Variants in AHDC1 observed in about 807,000 individuals in gnomAD.
AHDC1 encodes transcription factor Gibbin.
AHDC1 carries 7 observed loss-of-function variants against 87.9 expected under a neutral mutation model. That is an observed-to-expected ratio of 0.08 (90% CI 0.05 to 0.15). AHDC1 has a LOEUF of 0.15. Among genes scored for constraint, AHDC1 ranks in the 10% least tolerant of loss-of-function variants. The probability of loss-of-function intolerance (pLI) is 1.00; values close to 1 mark genes in which losing one functional copy is unlikely to be tolerated. For synonymous variants in AHDC1, 1,051 were observed against 1,006.8 expected, an observed-to-expected ratio of 1.04 and a Z score of -0.83; for missense variants, 1,841 against 2,253.2, an observed-to-expected ratio of 0.82 and a Z score of 3.70.
chr1:27,548,849 G>A lies in AHDC1; in HGVS notation c.3267C>T (p.Ser1089=), dbSNP rs1224763779. 2.5e-6 allele frequency: 4 copies of A among 1,612,862 alleles called. No homozygotes were observed. In the African/African-American group the frequency reaches 4.0e-5, roughly 16 times the overall value. ...TSAASAASSS[S]SSFQPSPENC... is the part of the protein sequence containing the mutation. ...TCTCGGGCGAGGGCTGGAAGGAGGA[G>A]GAGGAGGAGGAGGCGGCAGAGGCTG... Residue 1089 remains serine (S), a synonymous_variant, in exon 8 of 9, where the codon TCC becomes TCT. Transcript: ENST00000673934.
At position 27,548,359 on chromosome 1, in the gene AHDC1, C is replaced by A. The variant is rs914335874; in HGVS notation, c.3757G>T (p.Ala1253Ser). The A allele has an allele frequency of 6.2e-7, 1 of 1,606,372 alleles. No individual in the cohort carries two copies. The highest frequency in any genetic ancestry group is 2.2e-5 in the East Asian group (1 of 44,676). The change falls in exon 8 of 9, where the codon GCC (alanine) becomes TCC (serine). Residue 1253 changes from alanine to serine, a missense_variant. Ala to Ser is a moderately conservative substitution (Grantham distance 99, BLOSUM62 1). This residue lies in a region of AHDC1 where 505 missense variants were observed against 626.2 expected (regional missense o/e 0.81). Transcript: ENST00000673934. ...EASHLGFPTS[A>S]SAAASGYPSK... is the part of the protein sequence containing the mutation. ...GGGTAGCCTGAGGCAGCGGCAGAGG[C>A]GGATGTCGGGAAGCCCAGATGTGAG...
intron 3 of AHDC1, among the ~76,000 whole-genome samples, chr1:27,597,093 C>T (rs900987549): frequency 6.6e-6 from 1 of 152,182 alleles, no homozygotes; most frequent in Non-Finnish European, 1.5e-5. Context: ...GGGCTCTCAC[C>T]GACTGAGAGG....
intron 3 of AHDC1, among the ~76,000 whole-genome samples, chr1:27,572,179 CAG>C (rs895109702): frequency 1.8e-4 from 28 of 152,106 alleles, no homozygotes; most frequent in South Asian, 8.3e-4. Context: ...GAACAGGAAA[CAG>C]AGTCTAATCC....
At position 27,551,208 on chromosome 1, in the gene AHDC1, A is replaced by C. The variant is rs1381868998; in HGVS notation, c.908T>G (p.Leu303Arg). 2 of 1,610,092 alleles carry C rather than the reference A, an allele frequency of 1.2e-6. No homozygotes were observed. Among genetic ancestry groups the C allele is most frequent in the African/African-American group, 2.7e-5 (2 of 74,902 alleles). ...GCCCGGCAGCCCCAGAGGATCAGCA[A>C]GAGGTTGCAGGGGTGGCAGCTCCAG... ...EALELPPLQP[L>R]ADPLGLPGLA... The change falls in exon 8 of 9, where the codon CTT becomes CGT. Residue 303 changes from leucine to arginine, a missense_variant. This residue lies in a region of AHDC1 where 370 missense variants were observed against 391.5 expected (regional missense o/e 0.95). Coordinates refer to ENST00000673934, the MANE Select transcript of AHDC1 (RefSeq NM_001371928.1).
At chr1:27,581,902 C>T (rs2088919450) in intron 3 of AHDC1, among the ~76,000 whole-genome samples, 1 of 152,190 alleles carries the variant, frequency 6.6e-6, no homozygotes, top group African/African-American at 2.4e-5. Context: ...CTTCCCCTCC[C>T]CTGAGTCTCA....
intron 8 of AHDC1, among the ~76,000 whole-genome samples, chr1:27,545,585 C>T (rs887355555): frequency 6.6e-6 from 1 of 152,164 alleles, no homozygotes; most frequent in South Asian, 2.1e-4. Context: ...GACATCTCCC[C>T]GCCAGTGAGA....
At chr1:27,556,816 G>A (rs1365628189) in intron 5 of AHDC1, among the ~76,000 whole-genome samples, 3 of 152,068 alleles carry the variant, frequency 2.0e-5, no homozygotes, top group Non-Finnish European at 4.4e-5. Context: ...CCAACCATCA[G>A]TTCTAATTTT....
At chr1:27,566,892 G>C (rs976730755) in intron 3 of AHDC1, among the ~76,000 whole-genome samples, 1 of 151,952 alleles carries the variant, frequency 6.6e-6, no homozygotes, top group Non-Finnish European at 1.5e-5. Context: ...GGCACAGTCT[G>C]CTGGCACTTG....
chr1:27,550,471 G>A lies in AHDC1; in HGVS notation c.1645C>T (p.Arg549Cys). ...CCCAGCAGCAGGTTCTTAGGAGGGCGGCCGCGCTTACGTTTGAGAATAATG... is the reference window on the plus strand; with the variant it reads ...CCCAGCAGCAGGTTCTTAGGAGGGCAGCCGCGCTTACGTTTGAGAATAATG... Reference protein sequence around the residue: ...MPIILKRKRGRPPKNLLLGPG... With the variant: ...MPIILKRKRGCPPKNLLLGPG... Residue 549 changes from arginine (R) to cysteine (C), a missense_variant, in exon 8 of 9, where the codon CGC becomes TGC. Physicochemically the swap from Arg to Cys is radical, Grantham distance 180. Around this residue, in one of 13 missense-constraint regions of AHDC1, gnomAD observed 12 missense variants for 51.7 expected, o/e 0.23. Coordinates refer to ENST00000673934, the MANE Select transcript of AHDC1 (RefSeq NM_001371928.1). The A allele has an allele frequency of 6.2e-7, 1 of 1,605,966 alleles. No homozygotes were observed. Among genetic ancestry groups the A allele is most frequent in the South Asian group, 1.1e-5 (1 of 90,670 alleles).
rs2019261873 is a variant in AHDC1, at chr1:27,547,838, C to T, written c.4278G>A (p.Lys1426=). The stretch of plus-strand genomic sequence containing the variant: ...CCAGGCTGGCCCCCTGGAGTCCATG[C>T]TTGAGGGGCTCGCAGGCAGCCAGCT... The part of the protein sequence containing the change: ...PTKLAACEPL[K]HGLQGASLGH... The change falls in exon 8 of 9, where the codon AAG becomes AAA. Residue 1426 remains lysine, a synonymous_variant. Coordinates refer to ENST00000673934, the MANE Select transcript of AHDC1 (RefSeq NM_001371928.1). The surrounding 1 kb of genome is among the most constrained non-coding windows in gnomAD (Gnocchi z 4.9). The T allele has an allele frequency of 6.4e-7, 1 of 1,550,474 alleles. No homozygotes were observed. Among genetic ancestry groups the T allele is most frequent in the Admixed American group, 1.9e-5 (1 of 53,984 alleles).
intron 7 of AHDC1, chr1:27,552,654 C>A (rs1397627690): frequency 6.6e-6 from 1 of 152,578 alleles, no homozygotes; most frequent in Non-Finnish European, 1.5e-5. Context: ...GCCTCAGCCT[C>A]CCAAAATACT....
intron 8 of AHDC1, among the ~76,000 whole-genome samples, chr1:27,542,849 C>A (rs1007544185): frequency 1.6e-4 from 25 of 152,160 alleles, no homozygotes; most frequent in Non-Finnish European, 3.1e-4. Flanking sequence ...CAAGGCCTGG[C>A]CTAAACATGG....
chr1:27,572,839 C>T (rs1213810069), intron 3 of AHDC1, among the ~76,000 whole-genome samples: 1 of 152,258 alleles, frequency 6.6e-6, no homozygotes, highest in South Asian at 2.1e-4. Context: ...CCCCTGCGAT[C>T]GCTCTTCTGG....
rs2089345887 is a variant in AHDC1, at chr1:27,595,496, G to A, written c.-629+7901C>T. On this transcript the variant is annotated intron_variant, in intron 3 of 8. Coordinates refer to ENST00000673934, the MANE Select transcript of AHDC1 (RefSeq NM_001371928.1). This position sits in a 1 kb window ranked among gnomAD's most constrained non-coding sequence, Gnocchi z 4.0. ...ATTGTGTGTGTGTTGGGGTGTTTAG[G>A]GATGTATTGGGGGGTCATAAAAATG... is the stretch of plus-strand genomic sequence containing the variant. Among the ~76,000 whole-genome samples, 2 of 150,870 alleles carry A rather than the reference G, an allele frequency of 1.3e-5. No homozygotes were observed. Among genetic ancestry groups the A allele is most frequent in the African/African-American group, 4.9e-5 (2 of 40,992 alleles).
intron 3 of AHDC1, among the ~76,000 whole-genome samples, chr1:27,570,121 C>CA (rs2020503151): frequency 6.6e-6 from 1 of 151,620 alleles, no homozygotes; most frequent in Admixed American, 6.6e-5. Flanking sequence ...GCTGGGCATG[C>CA]CAACCTTTCC....
intron 3 of AHDC1, among the ~76,000 whole-genome samples, chr1:27,589,858 GC>G (rs2148467739): frequency 6.6e-6 from 1 of 152,212 alleles, no homozygotes; most frequent in African/African-American, 2.4e-5. Flanking sequence ...CCCTGGGGGA[GC>G]CAGTGGGGCC....
At chr1:27,554,083 A>T (rs1185715511) in intron 5 of AHDC1, among the ~76,000 whole-genome samples, 2 of 152,178 alleles carry the variant, frequency 1.3e-5, no homozygotes, top group African/African-American at 2.4e-5. Context: ...ACATTAAATT[A>T]AAAAAGTTTG....
At chr1:27,573,423 A>G (rs1195695280) in intron 3 of AHDC1, among the ~76,000 whole-genome samples, 2 of 152,128 alleles carry the variant, frequency 1.3e-5, no homozygotes, top group Non-Finnish European at 2.9e-5. Flanking sequence ...GGAGTAGGGT[A>G]CAGTTAGCCC....
At chr1:27,594,780 T>C (rs2089321047) in intron 3 of AHDC1, among the ~76,000 whole-genome samples, 2 of 152,000 alleles carry the variant, frequency 1.3e-5, no homozygotes, top group Admixed American at 6.5e-5. Flanking sequence ...TGTGCTGGAA[T>C]GTGCCAACGG....
Sources: gnomAD v4.1 joint callset for allele counts (sites outside exome capture counted in the v4.1 genomes callset) on GRCh38, gnomAD v4.1.1 for gene constraint, gnomAD v4.1.1 regional missense constraint, Gnocchi (gnomAD v3.1) non-coding constraint, MANE v1.5 for transcripts, NCBI Gene and HGNC (gene_info 2026-07-23, HGNC 2026-07-21) for gene names.